Variants in TTLL5 observed in about 807,000 individuals in gnomAD.
The protein encoded by TTLL5 is tubulin polyglutamylase TTLL5.
A neutral mutation model predicts 168.4 loss-of-function variants in TTLL5; 132 were observed. That is an observed-to-expected ratio of 0.78 (90% CI 0.68 to 0.91). The LOEUF (loss-of-function observed/expected upper bound fraction) is 0.91. TTLL5 is among the 40% of genes least tolerant of loss of function. TTLL5 has a pLI of 0.00. For synonymous variants in TTLL5, 546 were observed against 558.6 expected, an observed-to-expected ratio of 0.98 and a Z score of 0.32; for missense variants, 1,545 against 1,581.5, an observed-to-expected ratio of 0.98 and a Z score of 0.39.
At chr14:75,952,097 G>A (rs1487437998) in intron 31 of TTLL5, among the ~76,000 whole-genome samples, 7 of 152,030 alleles carry the variant, frequency 4.6e-5, no homozygotes, top group Admixed American at 3.9e-4. Context: ...TAATAAAAAA[G>A]ACGACTCAGG....
intron 1 of TTLL5, 84 bp from the exon 2 acceptor site, chr14:75,662,971 A>T: frequency 1.4e-6 from 1 of 694,620 alleles, no homozygotes; most frequent in South Asian, 1.5e-5. Flanking sequence ...CATTTTCATT[A>T]CTTAGATTAT....
At chr14:75,679,627 T>G (rs1334468428) in intron 3 of TTLL5, among the ~76,000 whole-genome samples, 2 of 152,380 alleles carry the variant, frequency 1.3e-5, no homozygotes, top group East Asian at 1.9e-4. Flanking sequence ...TATTCATTTT[T>G]GCATTCAAAT....
chr14:75,867,081 T>G (rs1429715117), intron 29 of TTLL5, among the ~76,000 whole-genome samples: 1 of 152,220 alleles, frequency 6.6e-6, no homozygotes, highest in Non-Finnish European at 1.5e-5. Context: ...AATAGCCAGA[T>G]AGTAAATATT....
At chr14:75,863,520 G>T in intron 28 of TTLL5, 147 bp from the exon 29 acceptor site, 1 of 707,472 alleles carries the variant, frequency 1.4e-6, no homozygotes, top group Non-Finnish European at 2.2e-6. Flanking sequence ...TTTAGTGGGG[G>T]AGTGAGATAA....
At chr14:75,865,534 G>C (rs2030448695) in intron 29 of TTLL5, among the ~76,000 whole-genome samples, 1 of 150,172 alleles carries the variant, frequency 6.7e-6, no homozygotes, top group South Asian at 2.1e-4. Flanking sequence ...ATACAAGTCA[G>C]AAAAAAAAAC....
chr14:75,902,784 G>A (rs2032980674), intron 31 of TTLL5, among the ~76,000 whole-genome samples: 1 of 152,232 alleles, frequency 6.6e-6, no homozygotes, highest in Non-Finnish European at 1.5e-5. Flanking sequence ...TCCAGAGATA[G>A]TTTCTATGAA....
chr14:75,727,326 G>C (rs754950784), intron 12 of TTLL5, among the ~76,000 whole-genome samples: 1 of 152,172 alleles, frequency 6.6e-6, no homozygotes, highest in Non-Finnish European at 1.5e-5. Flanking sequence ...ATAAATTGTG[G>C]TATGTCCATA....
At chr14:75,858,711 G>C (rs1351222403) in intron 28 of TTLL5, among the ~76,000 whole-genome samples, 1 of 152,188 alleles carries the variant, frequency 6.6e-6, no homozygotes, top group Admixed American at 6.5e-5. Context: ...ATCCACCACT[G>C]TGAGTTTGAC....
chr14:75,864,487 T>A (rs2030343124), intron 29 of TTLL5, among the ~76,000 whole-genome samples: 1 of 152,212 alleles, frequency 6.6e-6, no homozygotes, highest in African/African-American at 2.4e-5. Flanking sequence ...TTGTGCAACT[T>A]ATGTGTAGGG....
At position 75,952,699 on chromosome 14, in the gene TTLL5, A is replaced by T. The variant is rs915720837; in HGVS notation, c.3824-1725A>T. 9.1e-4 allele frequency among the ~76,000 whole-genome samples: 138 copies of T among 152,354 alleles called. 3 individuals carry two copies. Among genetic ancestry groups the T allele is most frequent in the Non-Finnish European group, 3.4e-4 (23 of 68,034 alleles). On this transcript the variant is annotated intron_variant, in intron 31 of 31. Coordinates refer to ENST00000298832, the MANE Select transcript of TTLL5 (RefSeq NM_015072.5). Reference sequence around the variant, plus strand: ...GCCATAAAAAAGGAGTAGAGTAGTGATGCATGCTACAGCATAGATGACCCT... The same window carrying T: ...GCCATAAAAAAGGAGTAGAGTAGTGTTGCATGCTACAGCATAGATGACCCT...
intron 9 of TTLL5, chr14:75,709,545 T>G (rs561465404): frequency 1.0e-3 from 263 of 252,110 alleles, no homozygotes; most frequent in African/African-American, 5.5e-3. Flanking sequence ...CTGAAACATC[T>G]CGCAGTTATT....
chr14:75,874,518 T>G (rs1398051535), intron 29 of TTLL5, among the ~76,000 whole-genome samples: 1 of 152,230 alleles, frequency 6.6e-6, no homozygotes, highest in Non-Finnish European at 1.5e-5. Context: ...TAGCTTTTCA[T>G]CGGGTGCAAG....
At chr14:75,694,671 C>T (rs1268134502) in intron 6 of TTLL5, among the ~76,000 whole-genome samples, 1 of 152,200 alleles carries the variant, frequency 6.6e-6, no homozygotes, top group Non-Finnish European at 1.5e-5. Flanking sequence ...AGCGGAGGGA[C>T]TGGCTGAAGC....
chr14:75,714,529 T>A (rs980377087), intron 9 of TTLL5, among the ~76,000 whole-genome samples: 1 of 152,196 alleles, frequency 6.6e-6, no homozygotes, highest in African/African-American at 2.4e-5. Flanking sequence ...ATCTTCTCGT[T>A]TATTTATTCA....
intron 27 of TTLL5, among the ~76,000 whole-genome samples, chr14:75,813,310 G>A (rs1391848186): frequency 7.5e-6 from 1 of 133,612 alleles, no homozygotes; most frequent in Non-Finnish European, 1.6e-5. Flanking sequence ...GTGTGTGTGT[G>A]TGTGTGTTTG....
chr14:75,692,885 G>A (rs893131332), intron 6 of TTLL5, among the ~76,000 whole-genome samples: 9 of 152,182 alleles, frequency 5.9e-5, no homozygotes, highest in African/African-American at 2.2e-4. Context: ...GCAGGTGGCA[G>A]TTGTAAGAGC....
intron 30 of TTLL5, among the ~76,000 whole-genome samples, chr14:75,894,550 G>A (rs1041981235): frequency 6.6e-6 from 1 of 151,962 alleles, no homozygotes; most frequent in Non-Finnish European, 1.5e-5. Flanking sequence ...GCAAGACTCT[G>A]TCTCAAAAAA....
chr14:75,937,717 A>G (rs556229241), intron 31 of TTLL5, among the ~76,000 whole-genome samples: 1 of 152,348 alleles, frequency 6.6e-6, no homozygotes, highest in Admixed American at 6.5e-5. Context: ...AGGTTGATTC[A>G]TAATTTAATG....
At chr14:75,733,873 A>T in intron 13 of TTLL5, 116 bp from the exon 14 acceptor site, 16 of 876,826 alleles carry the variant, frequency 1.8e-5, no homozygotes, top group Admixed American at 2.2e-5. Context: ...TATGGGCTTT[A>T]TGTGTTGCTC....
Sources: gnomAD v4.1 joint callset for allele counts (sites outside exome capture counted in the v4.1 genomes callset) on GRCh38, gnomAD v4.1.1 for gene constraint, MANE v1.5 for transcripts, NCBI Gene and HGNC (gene_info 2026-07-23, HGNC 2026-07-21) for gene names.